CAMK2D: variants seen among roughly 807,000 people sequenced by gnomAD.
The protein encoded by CAMK2D is calcium/calmodulin-dependent protein kinase type II subunit delta.
A neutral mutation model predicts 84.0 loss-of-function variants in CAMK2D; 37 were observed. That is an observed-to-expected ratio of 0.44 (90% confidence interval 0.34 to 0.58). CAMK2D has a LOEUF of 0.58. CAMK2D is among the 20% of genes least tolerant of loss of function. CAMK2D has a pLI of 0.02. For missense variants in CAMK2D, 448 were observed against 652.5 expected (o/e 0.69, Z 3.41); for synonymous variants, 202 against 212.5 (o/e 0.95, Z 0.43).
At chr4:113,523,870 T>C (rs1352188596) in intron 8 of CAMK2D, among the ~76,000 whole-genome samples, 1 of 152,140 alleles carries the variant, frequency 6.6e-6, no homozygotes, top group Non-Finnish European at 1.5e-5. Flanking sequence ...TTGTTTTGTT[T>C]TGTTTTTTAA....
At chr4:113,529,806 C>T (rs2098446093) in intron 8 of CAMK2D, among the ~76,000 whole-genome samples, 1 of 152,150 alleles carries the variant, frequency 6.6e-6, no homozygotes, top group Non-Finnish European at 1.5e-5. Flanking sequence ...TTAAACTCTG[C>T]CAAGTATCAT....
At chr4:113,522,319 T>C (rs1030723768) in intron 8 of CAMK2D, among the ~76,000 whole-genome samples, 1 of 152,204 alleles carries the variant, frequency 6.6e-6, no homozygotes, top group Non-Finnish European at 1.5e-5. Context: ...TATAAACTTA[T>C]AAGCAAAATG....
intron 3 of CAMK2D, among the ~76,000 whole-genome samples, chr4:113,627,480 T>C (rs1291218173): frequency 6.6e-6 from 1 of 152,178 alleles, no homozygotes; most frequent in Non-Finnish European, 1.5e-5. Flanking sequence ...AACCTAGTTT[T>C]ATGTGTGTTT....
intron 2 of CAMK2D, among the ~76,000 whole-genome samples, chr4:113,676,354 TCA>T (rs1410379579): frequency 6.6e-6 from 1 of 152,154 alleles, no homozygotes; most frequent in East Asian, 1.9e-4. Context: ...GAGTTAAAAA[TCA>T]CAGTTGCTGG....
At chr4:113,732,388 G>C (rs576525829) in intron 2 of CAMK2D, among the ~76,000 whole-genome samples, 154 of 152,212 alleles carry the variant, frequency 1.0e-3, no homozygotes, top group African/African-American at 3.7e-3. Context: ...CTCCCAAAAT[G>C]CTGGAATTAC....
chr4:113,572,918 CA>C (rs2098761364), intron 4 of CAMK2D, among the ~76,000 whole-genome samples: 2 of 152,122 alleles, frequency 1.3e-5, no homozygotes, highest in African/African-American at 4.8e-5. Flanking sequence ...TGGAGGTTAC[CA>C]TCCTTAGCAA....
At chr4:113,714,478 C>T (rs1486941727) in intron 2 of CAMK2D, among the ~76,000 whole-genome samples, 1 of 152,074 alleles carries the variant, frequency 6.6e-6, no homozygotes, top group Admixed American at 6.6e-5. Flanking sequence ...CACCATTTGA[C>T]ATGTTGATCA....
chr4:113,731,533 A>T (rs2099568784), intron 2 of CAMK2D, among the ~76,000 whole-genome samples: 1 of 151,674 alleles, frequency 6.6e-6, no homozygotes, highest in African/African-American at 2.4e-5. Flanking sequence ...TTATTTCTTG[A>T]TGATGAAAAA....
chr4:113,758,900 T>C (rs2099634618), intron 2 of CAMK2D, among the ~76,000 whole-genome samples: 1 of 152,210 alleles, frequency 6.6e-6, no homozygotes, highest in South Asian at 2.1e-4. Flanking sequence ...CAAGTGTAAC[T>C]ACAATTGAAA....
intron 4 of CAMK2D, among the ~76,000 whole-genome samples, chr4:113,587,636 C>A (rs1240965741): frequency 6.6e-6 from 1 of 152,078 alleles, no homozygotes; most frequent in Admixed American, 6.6e-5. Flanking sequence ...TATTGAAACA[C>A]AAAGTTACAG....
At chr4:113,575,837 G>A (rs571070033) in intron 4 of CAMK2D, among the ~76,000 whole-genome samples, 1 of 152,244 alleles carries the variant, frequency 6.6e-6, no homozygotes, top group African/African-American at 2.4e-5. Context: ...GGAATAAAGT[G>A]CATGAGCCTC....
At chr4:113,474,498 CTTTTTTTTTTTTTTTTT>C (rs70961831) in intron 16 of CAMK2D, among the ~76,000 whole-genome samples, 1 of 89,822 alleles carries the variant, frequency 1.1e-5, no homozygotes, top group Non-Finnish European at 2.1e-5. Flanking sequence ...CCTTTTTGGC[CTTTTTTTTTTTTTTTTT>C]TTTTTTTTTT....
Position 113,455,761 on chromosome 4 carries a change from G to C in CAMK2D, c.1596C>G (p.Asn532Lys). ...NFSGGTSLWQNI is the reference protein window; with the variant it reads ...NFSGGTSLWQKI ...TGTGAATGGTTTTCAGGCCTTAGAT[G>C]TTTTGCCACAAAGAGGTGCCTCCTG... Residue 532 changes from asparagine to lysine, a missense_variant, in exon 20 of 21, where the codon AAC becomes AAG. By Grantham distance (94) the Asn-to-Lys change is moderately conservative. Transcript: ENST00000511664. 1 of 1,611,976 alleles carries C rather than the reference G, an allele frequency of 6.2e-7. No individual in the cohort carries two copies. Among genetic ancestry groups the C allele is most frequent in the Non-Finnish European group, 8.5e-7 (1 of 1,178,348 alleles).
intron 3 of CAMK2D, among the ~76,000 whole-genome samples, chr4:113,621,942 C>T (rs528053577): frequency 2.0e-4 from 30 of 152,244 alleles, no homozygotes; most frequent in African/African-American, 6.0e-4. Context: ...AAATGAACTA[C>T]GAAATGTCTT....
chr4:113,627,268 A>T (rs1358073796), intron 3 of CAMK2D, among the ~76,000 whole-genome samples: 1 of 152,170 alleles, frequency 6.6e-6, no homozygotes, highest in African/African-American at 2.4e-5. Flanking sequence ...TTCAATTTAT[A>T]TCATTTTTCC....
chr4:113,505,046 G>T lies in CAMK2D; in HGVS notation c.985-11C>A. On this transcript the variant is annotated splice_polypyrimidine_tract_variant and intron_variant, in intron 13 of 20. Transcript: ENST00000511664. Reference sequence around the variant, plus strand: ...GGCTTTGTTGTTTATCTGTGGGTATGCAGAAAATAGAAACAGAGATGCCTT... The same window carrying T: ...GGCTTTGTTGTTTATCTGTGGGTATTCAGAAAATAGAAACAGAGATGCCTT... The T allele has an allele frequency of 6.4e-7, 1 of 1,552,718 alleles. No individual in the cohort carries two copies. The highest frequency in any genetic ancestry group is 2.3e-5 in the East Asian group (1 of 43,002).
intron 8 of CAMK2D, among the ~76,000 whole-genome samples, chr4:113,528,627 T>C (rs1330480443): frequency 6.6e-6 from 1 of 152,156 alleles, no homozygotes; most frequent in Non-Finnish European, 1.5e-5. Context: ...ACTATCCCTC[T>C]AGTGTTCAAG....
chr4:113,586,384 T>G (rs898936932), intron 4 of CAMK2D, among the ~76,000 whole-genome samples: 1 of 152,174 alleles, frequency 6.6e-6, no homozygotes, highest in East Asian at 1.9e-4. Context: ...GAGCAACATT[T>G]GAAACCAGGT....
At chr4:113,660,984 G>T (rs2099228676) in intron 3 of CAMK2D, among the ~76,000 whole-genome samples, 1 of 151,352 alleles carries the variant, frequency 6.6e-6, no homozygotes. Context: ...TTTTAGTAGA[G>T]ACGGGGTTTC....
Sources: gnomAD v4.1 joint callset for allele counts (sites outside exome capture counted in the v4.1 genomes callset) on GRCh38, gnomAD v4.1.1 for gene constraint, MANE v1.5 for transcripts, NCBI Gene and HGNC (gene_info 2026-07-23, HGNC 2026-07-21) for gene names.